Variants in PTPRK observed in about 807,000 individuals in gnomAD.
The protein encoded by PTPRK is receptor-type tyrosine-protein phosphatase kappa.
A neutral mutation model predicts 178.0 loss-of-function variants in PTPRK; 75 were observed. The observed-to-expected ratio is 0.42, with a 90% CI of 0.35 to 0.51. PTPRK has a LOEUF of 0.51. Among genes scored for constraint, PTPRK ranks in the 20% least tolerant of loss-of-function variants. The pLI is 0.02. For synonymous variants in PTPRK, 637 were observed against 620.6 expected, an observed-to-expected ratio of 1.03 and a Z score of -0.39; for missense variants, 1,441 against 1,797.8, an observed-to-expected ratio of 0.80 and a Z score of 3.59.
intron 21 of PTPRK, among the ~76,000 whole-genome samples, chr6:127,988,627 T>A (rs1241021600): frequency 1.3e-5 from 2 of 152,098 alleles, no homozygotes; most frequent in African/African-American, 2.4e-5. Context: ...TGTCCTAGAC[T>A]AAAAGTTATA....
intron 7 of PTPRK, among the ~76,000 whole-genome samples, chr6:128,151,800 T>C (rs1797291318): frequency 6.6e-6 from 1 of 151,966 alleles, no homozygotes; most frequent in African/African-American, 2.4e-5. Context: ...AGATGATTAA[T>C]GAGTAAATAC....
rs568000646 is a variant in PTPRK at position 128,053,251 on chromosome 6, G to A, written c.2194+11507C>T. ...TGCACCCCCACACCCTGCCACACAC[G>A]TAATCTCTGCCATCTCTGCTGTCAC... is the stretch of plus-strand genomic sequence containing the variant. On this transcript the variant is annotated intron_variant, in intron 13 of 29. Coordinates refer to ENST00000368226, the MANE Select transcript of PTPRK (RefSeq NM_002844.4). Among the ~76,000 whole-genome samples, 13 of 151,502 alleles carry A rather than the reference G, an allele frequency of 8.6e-5. No individual in the cohort carries two copies. In the South Asian group the frequency reaches 2.1e-3, roughly 24 times the overall value.
Position 127,981,153 on chromosome 6 carries a change from C to T in PTPRK, c.3674G>A (p.Gly1225Glu). Reference protein sequence around the residue: ...RCLPFLITIDGESSNYINAAL... With the variant: ...RCLPFLITIDEESSNYINAAL... ...AGCATTGATGTAGTTACTGCTCTCC[C>T]CATCAATTGTAATTAAAAAAGGCAG... Residue 1225 changes from glycine to glutamate, a missense_variant, in exon 25 of 30, where the codon GGG becomes GAG. Physicochemically the swap from Gly to Glu is moderately conservative, Grantham distance 98. This residue lies in a region of PTPRK where 335 missense variants were observed against 512.4 expected (regional missense o/e 0.65). Coordinates refer to ENST00000368226, the MANE Select transcript of PTPRK (RefSeq NM_002844.4). 6.2e-7 allele frequency: 1 copy of T among 1,613,978 alleles called. No individual in the cohort carries two copies. The highest frequency in any genetic ancestry group is 8.5e-7 in the Non-Finnish European group (1 of 1,179,980).
At chr6:128,054,081 T>C (rs924303056) in intron 13 of PTPRK, among the ~76,000 whole-genome samples, 4 of 152,248 alleles carry the variant, frequency 2.6e-5, no homozygotes, top group Admixed American at 6.5e-5. Flanking sequence ...GCCTTTACAA[T>C]GCAGTTTGAA....
At chr6:128,051,478 A>G (rs1318197189) in intron 13 of PTPRK, among the ~76,000 whole-genome samples, 3 of 152,198 alleles carry the variant, frequency 2.0e-5, no homozygotes, top group Non-Finnish European at 4.4e-5. Context: ...CCAGTTTGCA[A>G]ACCCAGTTGC....
At chr6:128,255,237 C>T (rs1035047483) in intron 3 of PTPRK, among the ~76,000 whole-genome samples, 9 of 152,184 alleles carry the variant, frequency 5.9e-5, no homozygotes, top group Non-Finnish European at 1.2e-4. Flanking sequence ...GATCCACCCA[C>T]CTCGGCCTCC....
chr6:128,451,215 T>C (rs1039435538), intron 1 of PTPRK, among the ~76,000 whole-genome samples: 4 of 152,182 alleles, frequency 2.6e-5, no homozygotes, highest in Admixed American at 6.5e-5. Context: ...GTGGGGAACA[T>C]CTAAATAACT....
chr6:128,073,485 A>G (rs1213800363), intron 11 of PTPRK, among the ~76,000 whole-genome samples: 2 of 152,050 alleles, frequency 1.3e-5, no homozygotes, highest in African/African-American at 2.4e-5. Context: ...CTGAAGAAAG[A>G]GAAGATTTAT....
intron 1 of PTPRK, among the ~76,000 whole-genome samples, chr6:128,400,465 A>C (rs540345256): frequency 1.3e-5 from 2 of 152,304 alleles, no homozygotes; most frequent in South Asian, 4.1e-4. Flanking sequence ...TAGATGTCAG[A>C]AAAAGGAGTT....
intron 1 of PTPRK, among the ~76,000 whole-genome samples, chr6:128,401,260 C>G (rs1840977528): frequency 6.6e-6 from 1 of 152,094 alleles, no homozygotes; most frequent in Non-Finnish European, 1.5e-5. Context: ...TACTCCGAAA[C>G]TGCTCGGTGA....
At chr6:128,321,229 G>A (rs1000326160) in intron 3 of PTPRK, 1 of 152,400 alleles carries the variant, frequency 6.6e-6, no homozygotes, top group Non-Finnish European at 1.5e-5. Flanking sequence ...AAATAAACAA[G>A]TCCTTTAAAA....
intron 8 of PTPRK, among the ~76,000 whole-genome samples, chr6:128,088,740 T>C (rs1006754496): frequency 2.0e-5 from 3 of 152,172 alleles, no homozygotes; most frequent in Non-Finnish European, 4.4e-5. Context: ...AATACTAATA[T>C]AAATATTTGT....
intron 24 of PTPRK, among the ~76,000 whole-genome samples, chr6:127,981,676 C>A (rs1348979980): frequency 1.3e-5 from 2 of 152,104 alleles, no homozygotes; most frequent in African/African-American, 4.8e-5. Flanking sequence ...TAAGCTATGG[C>A]ATGTTGGAAA....
intron 1 of PTPRK, among the ~76,000 whole-genome samples, chr6:128,405,981 T>G (rs1841599647): frequency 6.6e-6 from 1 of 151,856 alleles, no homozygotes; most frequent in Admixed American, 6.6e-5. Context: ...TGTAAATAAT[T>G]AAAATGCATC....
chr6:128,442,519 C>T (rs1846407483), intron 1 of PTPRK, among the ~76,000 whole-genome samples: 1 of 152,144 alleles, frequency 6.6e-6, no homozygotes, highest in Admixed American at 6.6e-5. Context: ...TATATGGCCA[C>T]CCATAAGCCC....
At chr6:128,459,068 C>G (rs1389244429) in intron 1 of PTPRK, among the ~76,000 whole-genome samples, 1 of 152,064 alleles carries the variant, frequency 6.6e-6, no homozygotes, top group Non-Finnish European at 1.5e-5. Context: ...TATCAGGAAT[C>G]TATTGCAAAG....
chr6:128,343,295 T>C (rs1165191553), intron 2 of PTPRK, among the ~76,000 whole-genome samples: 2 of 150,994 alleles, frequency 1.3e-5, no homozygotes, highest in Admixed American at 6.6e-5. Flanking sequence ...AGGTCAGGAG[T>C]TCGAGACCAG....
chr6:128,148,834 A>G (rs979346549), intron 7 of PTPRK, among the ~76,000 whole-genome samples: 22 of 152,176 alleles, frequency 1.4e-4, no homozygotes, highest in Non-Finnish European at 2.5e-4. Flanking sequence ...TGATTTACTT[A>G]GTAAAAACAC....
intron 13 of PTPRK, among the ~76,000 whole-genome samples, chr6:128,029,534 C>T (rs867199528): frequency 1.5e-4 from 23 of 151,532 alleles, no homozygotes; most frequent in African/African-American, 4.9e-4. Context: ...ACCTGTAATC[C>T]GAGCTACTGG....
Sources: allele counts gnomAD v4.1 joint callset (sites outside exome capture counted in the v4.1 genomes callset), GRCh38; gene constraint gnomAD v4.1.1; regional missense constraint gnomAD v4.1.1; transcripts MANE v1.5; gene names NCBI Gene and HGNC (gene_info 2026-07-23, HGNC 2026-07-21).